The following NFATC1 variants were observed in gnomAD, a reference collection of about 807,000 sequenced individuals.
NFATC1 encodes nuclear factor of activated T cells 1.
NFATC1 carries 22 observed loss-of-function variants against 76.0 expected under a neutral mutation model. That is an observed-to-expected ratio of 0.29 (90% CI 0.21 to 0.41). NFATC1 has a LOEUF of 0.41. Ranked by LOEUF, NFATC1 falls within the 10% of genes least tolerant of loss-of-function variation. The pLI is 1.00. For missense variants in NFATC1, 1,357 were observed against 1,337.7 expected (o/e 1.01, Z -0.23); for synonymous variants, 704 against 613.1 (o/e 1.15, Z -2.19).
rs1324870185 is a variant in NFATC1 at position 79,433,679 on chromosome 18, G to A, written c.1327G>A (p.Glu443Lys). 4.4e-6 allele frequency: 7 copies of A among 1,606,684 alleles called. No homozygotes were observed. The highest frequency in any genetic ancestry group is 5.1e-6 in the Non-Finnish European group (6 of 1,176,114). The stretch of plus-strand genomic sequence containing the variant: ...CAAGTCCCACCACCGAGCCCACTAC[G>A]AGACGGAGGGCAGCCGGGGGGCCGT... ...QPKSHHRAHYETEGSRGAVKA... is the reference protein window; with the variant it reads ...QPKSHHRAHYKTEGSRGAVKA... The change falls in exon 3 of 10, where the codon GAG becomes AAG. Residue 443 changes from glutamate to lysine, a missense_variant. By Grantham distance (56) the Glu-to-Lys change is moderately conservative (BLOSUM62 1). Transcript: ENST00000427363.
intron 2 of NFATC1, among the ~76,000 whole-genome samples, chr18:79,423,355 G>C (rs2086167238): frequency 6.6e-6 from 1 of 152,252 alleles, no homozygotes; most frequent in Non-Finnish European, 1.5e-5. Flanking sequence ...GGCCGCAGCT[G>C]TGGCACTCCC....
chr18:79,396,360 C>G lies in NFATC1; in HGVS notation c.127+9C>G, dbSNP rs1568901784. ...GAAGTCAGCGGAGGAAGGTAAGCCC[C>G]GCGCGGCCTCCGCCCCCGGACCCCT... On this transcript the variant is annotated intron_variant, in intron 1 of 9. Coordinates refer to ENST00000427363, the MANE Select transcript of NFATC1 (RefSeq NM_001278669.2). The G allele has an allele frequency of 6.8e-6, 9 of 1,322,214 alleles. No individual in the cohort carries two copies. Among genetic ancestry groups the G allele is most frequent in the Non-Finnish European group, 7.8e-6 (8 of 1,019,834 alleles). The allele number at this position is 1,322,214 out of a possible 1,614,324, so 81.9% of individuals were successfully genotyped here.
chr18:79,489,098 G>A (rs1766933785), intron 9 of NFATC1, among the ~76,000 whole-genome samples: 1 of 152,254 alleles, frequency 6.6e-6, no homozygotes, highest in African/African-American at 2.4e-5. Context: ...CTCACCAGGT[G>A]GCCCGGGCCC....
At chr18:79,469,732 G>T (rs1222340077) in intron 8 of NFATC1, 1 of 985,738 alleles carries the variant, frequency 1.0e-6, no homozygotes, top group East Asian at 1.1e-4. Context: ...CCCTCTCTTT[G>T]CCTCCGTCGT....
At chr18:79,430,193 TAGTC>T (rs1241144459) in intron 2 of NFATC1, among the ~76,000 whole-genome samples, 3 of 152,260 alleles carry the variant, frequency 2.0e-5, no homozygotes, top group Non-Finnish European at 4.4e-5. Flanking sequence ...TCTTATGTAA[TAGTC>T]AGCTGCAGAG....
chr18:79,514,389 A>C (rs1253828236), intron 9 of NFATC1, among the ~76,000 whole-genome samples: 1 of 151,862 alleles, frequency 6.6e-6, no homozygotes, highest in Non-Finnish European at 1.5e-5. Flanking sequence ...AGCTTGGGCA[A>C]CATGGTGAAA....
intron 9 of NFATC1, among the ~76,000 whole-genome samples, chr18:79,499,736 AATAC>A (rs1344011875): frequency 1.3e-5 from 2 of 152,238 alleles, no homozygotes; most frequent in African/African-American, 4.8e-5. Flanking sequence ...TAATGGAAAA[AATAC>A]ATACTTCAGA....
chr18:79,436,226 C>T (rs1311889388), intron 3 of NFATC1, among the ~76,000 whole-genome samples: 3 of 152,240 alleles, frequency 2.0e-5, no homozygotes, highest in African/African-American at 7.2e-5. Context: ...CGAGGCTCAT[C>T]GCACTGGCCT....
intron 2 of NFATC1, among the ~76,000 whole-genome samples, chr18:79,418,716 C>T (rs753519661): frequency 1.9e-4 from 29 of 152,190 alleles, no homozygotes; most frequent in Non-Finnish European, 3.7e-4. Flanking sequence ...CTTCTTGAGC[C>T]GCTTCGGTAG....
intron 7 of NFATC1, among the ~76,000 whole-genome samples, chr18:79,466,080 G>T (rs1055491771): frequency 6.6e-6 from 1 of 152,342 alleles, no homozygotes; most frequent in African/African-American, 2.4e-5. Flanking sequence ...GGCCCAGTGG[G>T]GTGGGGAGCA....
intron 9 of NFATC1, among the ~76,000 whole-genome samples, chr18:79,510,880 G>T (rs111480631): frequency 0.061 from 9,217 of 150,348 alleles, 409 homozygotes; most frequent in Admixed American, 0.097. Flanking sequence ...GGCATCTTCC[G>T]CCGGGGCATC....
At chr18:79,520,269 G>A (rs554502715) in intron 9 of NFATC1, among the ~76,000 whole-genome samples, 1 of 152,076 alleles carries the variant, frequency 6.6e-6, no homozygotes, top group East Asian at 2.0e-4. Context: ...GCCCTCGCGT[G>A]GCGTTGCTGC....
intron 1 of NFATC1, among the ~76,000 whole-genome samples, chr18:79,397,988 G>A (rs1425847751): frequency 6.6e-6 from 1 of 152,210 alleles, no homozygotes. Flanking sequence ...ACACAGGCCG[G>A]CAGCATGGGG....
intron 7 of NFATC1, among the ~76,000 whole-genome samples, chr18:79,466,681 G>A (rs568872977): frequency 3.9e-5 from 6 of 152,356 alleles, no homozygotes; most frequent in African/African-American, 1.2e-4. Context: ...GCCCTTGGCT[G>A]TTCCCACCCC....
intron 2 of NFATC1, among the ~76,000 whole-genome samples, chr18:79,424,469 C>T (rs984232848): frequency 1.4e-5 from 2 of 141,066 alleles, no homozygotes; most frequent in East Asian, 4.1e-4. Context: ...CTGATCGTCT[C>T]TCTCTCTCTT....
chr18:79,463,487 C>T (rs186637618), intron 7 of NFATC1, among the ~76,000 whole-genome samples: 21 of 111,992 alleles, frequency 1.9e-4, no homozygotes, highest in Admixed American at 4.2e-4. Flanking sequence ...AGCCCGTTCC[C>T]GTGTCCATAC....
chr18:79,443,515 G>T (rs564588144), intron 3 of NFATC1, among the ~76,000 whole-genome samples: 3 of 152,318 alleles, frequency 2.0e-5, no homozygotes, highest in Admixed American at 6.5e-5. Context: ...CCCTCGGGGG[G>T]TGGGGAGGAG....
intron 3 of NFATC1, among the ~76,000 whole-genome samples, chr18:79,441,690 T>C (rs1443736819): frequency 6.6e-6 from 1 of 152,082 alleles, no homozygotes; most frequent in Non-Finnish European, 1.5e-5. Context: ...GCGACGCGAC[T>C]CTCAGTGGCA....
At chr18:79,427,392 T>TAGGGGGGGGC (rs1568947768) in intron 2 of NFATC1, among the ~76,000 whole-genome samples, 1 of 77,590 alleles carries the variant, frequency 1.3e-5, no homozygotes, top group Admixed American at 1.3e-4. Context: ...GTGCAGTGGG[T>TAGGGGGGGGC]TGGGGGGAGC....
Sources: allele counts gnomAD v4.1 joint callset (sites outside exome capture counted in the v4.1 genomes callset), GRCh38; gene constraint gnomAD v4.1.1; transcripts MANE v1.5; gene names NCBI Gene and HGNC (gene_info 2026-07-23, HGNC 2026-07-21).